Variants in ATP2A2 observed in about 807,000 individuals in gnomAD.
The protein encoded by ATP2A2 is ATPase sarcoplasmic/endoplasmic reticulum Ca2+ transporting 2.
A neutral mutation model predicts 109.3 loss-of-function variants in ATP2A2; 14 were observed. That is an observed-to-expected ratio of 0.13 (90% CI 0.08 to 0.20). The LOEUF (loss-of-function observed/expected upper bound fraction) is 0.20, where lower values mean the gene tolerates loss of function less well. Ranked by LOEUF, ATP2A2 falls within the 10% of genes least tolerant of loss-of-function variation. The pLI is 1.00. For synonymous variants in ATP2A2, 506 were observed against 490.9 expected, an observed-to-expected ratio of 1.03 and a Z score of -0.41; for missense variants, 657 against 1,321.6, an observed-to-expected ratio of 0.50 and a Z score of 7.80.
At chr12:110,324,418 T>TA (rs1290725306) in intron 6 of ATP2A2, among the ~76,000 whole-genome samples, 4 of 152,024 alleles carry the variant, frequency 2.6e-5, no homozygotes, top group South Asian at 2.1e-4. Flanking sequence ...AGTTGCCATT[T>TA]AAAAAAAATT....
chr12:110,307,420 A>G (rs993884476), intron 5 of ATP2A2, among the ~76,000 whole-genome samples: 1 of 151,594 alleles, frequency 6.6e-6, no homozygotes, highest in Admixed American at 6.6e-5. Context: ...TTTCGTAGAG[A>G]TGAGGTCTTA....
rs368494481 is a variant in ATP2A2 at position 110,332,715 on chromosome 12, T to C, written c.1184+30T>C. 1.1e-5 allele frequency: 17 copies of C among 1,538,206 alleles called. No homozygotes were observed. In the African/African-American group the frequency reaches 1.6e-4, roughly 15 times the overall value. On this transcript the variant is annotated intron_variant, in intron 9 of 19. Coordinates refer to ENST00000539276, the MANE Select transcript of ATP2A2 (RefSeq NM_170665.4). ...GTAACCCTCCTCCTCATTTAAAGGA[T>C]CTGGTGTGGCAGTTTAGTATTTGTA...
At chr12:110,288,879 T>C (rs1238524563) in intron 3 of ATP2A2, among the ~76,000 whole-genome samples, 1 of 152,178 alleles carries the variant, frequency 6.6e-6, no homozygotes, top group African/African-American at 2.4e-5. Context: ...ATGTCACTCA[T>C]CCAGTTTTCC....
At chr12:110,315,866 G>T (rs1002895843) in intron 5 of ATP2A2, among the ~76,000 whole-genome samples, 1 of 152,244 alleles carries the variant, frequency 6.6e-6, no homozygotes, top group Non-Finnish European at 1.5e-5. Flanking sequence ...TTGAACCCAG[G>T]AGGCGGGGGT....
intron 11 of ATP2A2, among the ~76,000 whole-genome samples, chr12:110,338,877 G>A (rs758803117): frequency 1.3e-5 from 2 of 152,116 alleles, no homozygotes; most frequent in African/African-American, 2.4e-5. Flanking sequence ...TTCCAGCCAC[G>A]TTGGCACTCC....
intron 6 of ATP2A2, among the ~76,000 whole-genome samples, chr12:110,324,644 A>G (rs963254617): frequency 1.3e-5 from 2 of 151,256 alleles, no homozygotes; most frequent in Non-Finnish European, 2.9e-5. Flanking sequence ...CTGGTCTCGA[A>G]CTCCTGATCT....
intron 6 of ATP2A2, among the ~76,000 whole-genome samples, chr12:110,324,581 C>G (rs1395094506): frequency 6.6e-6 from 1 of 152,118 alleles, no homozygotes; most frequent in Non-Finnish European, 1.5e-5. Context: ...GCCACCATGC[C>G]CAGCTTATTT....
In ATP2A2 at chr12:110,347,667, C is replaced by T; in HGVS notation, c.*1197C>T. The T allele has an allele frequency of 8.5e-7, 1 of 1,175,532 alleles. No individual in the cohort carries two copies. The highest frequency in any genetic ancestry group is 1.1e-6 in the Non-Finnish European group (1 of 934,578). 72.8% of individuals were successfully genotyped at this position (1,175,532 alleles called of 1,614,324 possible). ...TTTTATTTGAATGTGGCACTAACCA[C>T]CACCACCGTTACTACGATCAATGTT... On this transcript the variant is annotated 3_prime_UTR_variant, in exon 20 of 20. Transcript: ENST00000539276.
intron 3 of ATP2A2, among the ~76,000 whole-genome samples, chr12:110,284,439 A>G (rs1566196890): frequency 6.6e-6 from 1 of 152,226 alleles, no homozygotes; most frequent in East Asian, 1.9e-4. Context: ...TCTCTGTGTT[A>G]CAAGTTGAAG....
In ATP2A2 at chr12:110,281,688, G is replaced by T; in HGVS notation, c.-102G>T. 1.3e-6 allele frequency: 1 copy of T among 752,110 alleles called. No individual in the cohort carries two copies. The highest frequency in any genetic ancestry group is 1.9e-6 in the Non-Finnish European group (1 of 522,192). The allele number at this position is 752,110 out of a possible 1,614,324, so 46.6% of individuals were successfully genotyped here. On this transcript the variant is annotated 5_prime_UTR_variant, in exon 1 of 20. Transcript: ENST00000539276. ...AAGAGGAGGAGGGGAGAGCCCGTCC[G>T]CGCCTGGGCTCCCGGGGTGGCACGA...
At chr12:110,311,308 C>T (rs1328068193) in intron 5 of ATP2A2, among the ~76,000 whole-genome samples, 1 of 152,126 alleles carries the variant, frequency 6.6e-6, no homozygotes, top group East Asian at 1.9e-4. Flanking sequence ...CTCCTGGCCT[C>T]AAGTGATCCT....
At chr12:110,311,295 G>A (rs1285855922) in intron 5 of ATP2A2, among the ~76,000 whole-genome samples, 3 of 152,084 alleles carry the variant, frequency 2.0e-5, no homozygotes, top group East Asian at 3.9e-4. Context: ...GGCTGGTCTT[G>A]AACTCCTGGC....
intron 1 of ATP2A2, 65 bp downstream of exon 1, chr12:110,281,972 C>A: frequency 7.5e-7 from 1 of 1,325,590 alleles, no homozygotes; most frequent in Non-Finnish European, 1.0e-6. Context: ...AGATGGCTGA[C>A]CGGGCTCCAC....
chr12:110,334,546 CCT>C (rs1307244504), intron 11 of ATP2A2, among the ~76,000 whole-genome samples: 2 of 151,676 alleles, frequency 1.3e-5, no homozygotes, highest in African/African-American at 2.4e-5. Context: ...CCTTATTTCC[CCT>C]GTCAGCTACC....
chr12:110,322,848 G>A, intron 5 of ATP2A2, 144 bp from the exon 6 acceptor site: 1 of 700,424 alleles, frequency 1.4e-6, no homozygotes, highest in Non-Finnish European at 2.6e-6. Context: ...TGATCACTTT[G>A]CTTGTTTTAA....
intron 5 of ATP2A2, among the ~76,000 whole-genome samples, chr12:110,317,505 G>A (rs932298227): frequency 2.6e-5 from 4 of 152,052 alleles, no homozygotes; most frequent in Non-Finnish European, 5.9e-5. Flanking sequence ...CAGCCTCCAA[G>A]TAGCTACAAT....
intron 6 of ATP2A2, among the ~76,000 whole-genome samples, chr12:110,324,000 C>T (rs186735462): frequency 6.6e-6 from 1 of 152,220 alleles, no homozygotes; most frequent in East Asian, 1.9e-4. Context: ...AGTTAGCCCC[C>T]ATAAGAGATG....
chr12:110,339,093 G>A lies in ATP2A2; in HGVS notation c.1420-188G>A, dbSNP rs1879114677. On this transcript the variant is annotated intron_variant, in intron 11 of 19. Coordinates refer to ENST00000539276, the MANE Select transcript of ATP2A2 (RefSeq NM_170665.4). The surrounding 1 kb of genome is among the most constrained non-coding windows in gnomAD (Gnocchi z 4.4). ...CCTTCCCTTTTTCTCTATAGCACTT[G>A]TGTTACTTTTGCATCTTAGTCTGTC... Among the ~76,000 whole-genome samples the A allele has an allele frequency of 6.6e-6, 1 of 152,102 alleles. No homozygotes were observed. Among genetic ancestry groups the A allele is most frequent in the Non-Finnish European group, 1.5e-5 (1 of 68,022 alleles).
chr12:110,289,430 C>T (rs1010411765), intron 3 of ATP2A2, among the ~76,000 whole-genome samples: 5 of 152,172 alleles, frequency 3.3e-5, no homozygotes, highest in Non-Finnish European at 7.3e-5. Context: ...GGCCTTAACA[C>T]TAGAATGCCC....
Sources: gnomAD v4.1 joint callset for allele counts (sites outside exome capture counted in the v4.1 genomes callset) on GRCh38, gnomAD v4.1.1 for gene constraint, Gnocchi (gnomAD v3.1) non-coding constraint, MANE v1.5 for transcripts, NCBI Gene and HGNC (gene_info 2026-07-23, HGNC 2026-07-21) for gene names.